The following CYP11A1 variants were observed in gnomAD, a reference collection of about 807,000 sequenced individuals.
The protein encoded by CYP11A1 is cholesterol side-chain cleavage enzyme, mitochondrial.
In CYP11A1, 25 loss-of-function variants were observed where a neutral mutation model predicts 51.9. That is an observed-to-expected ratio of 0.48 (90% CI 0.35 to 0.67). The LOEUF (loss-of-function observed/expected upper bound fraction) is 0.67, where lower values mean the gene tolerates loss of function less well. CYP11A1 is among the 30% of genes least tolerant of loss of function. The pLI is 0.00. For synonymous variants in CYP11A1, 245 were observed against 262.1 expected, an observed-to-expected ratio of 0.93 and a Z score of 0.63; for missense variants, 578 against 680.9, an observed-to-expected ratio of 0.85 and a Z score of 1.68.
rs2060590787 is a variant in CYP11A1 at position 74,338,660 on chromosome 15, A to T, written c.1345T>A (p.Tyr449Asn). The T allele has an allele frequency of 6.2e-7, 1 of 1,614,084 alleles. No homozygotes were observed. Among genetic ancestry groups the T allele is most frequent in the Non-Finnish European group, 8.5e-7 (1 of 1,180,030 alleles). ...RWLSKDKNIT[Y>N]FRNLGFGWGV... ...CAGCCAAAGCCCAAGTTCCGGAAGT[A>T]GGTGATGTTCTTGTCTTTGCTCAGC... is the stretch of plus-strand genomic sequence containing the variant. Residue 449 changes from tyrosine (Y) to asparagine (N), a missense_variant, in exon 8 of 9, where the codon TAC becomes AAC. Transcript: ENST00000268053.
intron 1 of CYP11A1, among the ~76,000 whole-genome samples, chr15:74,352,855 A>G (rs999410269): frequency 1.3e-5 from 2 of 152,220 alleles, no homozygotes; most frequent in Non-Finnish European, 2.9e-5. Flanking sequence ...GAGTACAGCA[A>G]ATGGGATAAA....
At chr15:74,360,825 C>T (rs956616373) in intron 1 of CYP11A1, among the ~76,000 whole-genome samples, 2 of 152,120 alleles carry the variant, frequency 1.3e-5, no homozygotes, top group African/African-American at 2.4e-5. Context: ...ATCATTTGAA[C>T]TCAGGAGGCA....
intron 5 of CYP11A1, among the ~76,000 whole-genome samples, chr15:74,341,270 T>C (rs1002826678): frequency 3.3e-5 from 5 of 152,218 alleles, no homozygotes; most frequent in African/African-American, 1.2e-4. Flanking sequence ...AGTAATCGTT[T>C]CTTTGGTGCC....
chr15:74,366,089 G>A (rs2060731657), intron 1 of CYP11A1: 2 of 985,404 alleles, frequency 2.0e-6, no homozygotes, highest in Non-Finnish European at 2.4e-6. Context: ...AGGGGAGGCG[G>A]AGGTGAGCGA....
chr15:74,367,200 G>T, intron 1 of CYP11A1, 117 bp downstream of exon 1: 267 of 908,494 alleles, frequency 2.9e-4, no homozygotes, highest in Non-Finnish European at 4.2e-4. Context: ...AAAAAAAGAA[G>T]TTAGACAGGA....
intron 1 of CYP11A1, among the ~76,000 whole-genome samples, chr15:74,360,408 G>C (rs2060702599): frequency 1.3e-5 from 2 of 151,886 alleles, no homozygotes; most frequent in Admixed American, 1.3e-4. Flanking sequence ...AGCCTCCTGA[G>C]TAGCTGGAAT....
intron 3 of CYP11A1, among the ~76,000 whole-genome samples, chr15:74,344,556 G>A (rs145911213): frequency 3.3e-4 from 51 of 152,290 alleles, no homozygotes; most frequent in African/African-American, 1.2e-3. Context: ...TCAAGCCACA[G>A]GGCCTTTGTA....
intron 1 of CYP11A1, chr15:74,361,556 T>G (rs1324262734): frequency 1.3e-6 from 1 of 786,958 alleles, no homozygotes; most frequent in African/African-American, 1.7e-5. Context: ...TCAGCCATGG[T>G]CAACCCCACC....
chr15:74,340,920 C>T (rs2060603973), intron 5 of CYP11A1, among the ~76,000 whole-genome samples: 1 of 152,196 alleles, frequency 6.6e-6, no homozygotes, highest in East Asian at 1.9e-4. Context: ...GAAGTCTTCC[C>T]CACGCTAGGT....
Position 74,348,306 on chromosome 15 carries a change from G to C in CYP11A1, c.270-251C>G, listed in dbSNP as rs6495096. ...CCTTTGTTAAACATTCTACAAGTGA[G>C]AGCTTTATGATCACTGTTGCTGCTG... On this transcript the variant is annotated intron_variant, in intron 1 of 8. Coordinates refer to ENST00000268053, the MANE Select transcript of CYP11A1 (RefSeq NM_000781.3). 349,162 of 521,136 alleles carry C rather than the reference G, an allele frequency of 0.67. 118,443 individuals carry two copies. The highest frequency in any genetic ancestry group is 0.71 in the Non-Finnish European group (205,141 of 288,098). The allele number at this position is 521,136 out of a possible 1,614,324, so 32.3% of individuals were successfully genotyped here. A position where few individuals can be genotyped will look rare whatever the true frequency, so the allele number is the denominator to read the frequency against.
At chr15:74,364,853 G>A (rs1024202652) in intron 1 of CYP11A1, among the ~76,000 whole-genome samples, 6 of 152,138 alleles carry the variant, frequency 3.9e-5, no homozygotes, top group Non-Finnish European at 8.8e-5. Context: ...ACCCAGCGGG[G>A]CGCAACCTCC....
At chr15:74,365,587 G>T (rs972271943) in intron 1 of CYP11A1, 4 of 748,008 alleles carry the variant, frequency 5.3e-6, no homozygotes, top group Non-Finnish European at 6.5e-6. Flanking sequence ...TTCAAAGGGA[G>T]TGGGATCTGG....
chr15:74,354,547 C>G (rs1451825733), intron 1 of CYP11A1: 3 of 153,578 alleles, frequency 2.0e-5, no homozygotes, highest in African/African-American at 7.2e-5. Context: ...AAATTTGGTG[C>G]CATGACTCGG....
intron 1 of CYP11A1, among the ~76,000 whole-genome samples, chr15:74,360,437 C>T (rs969400193): frequency 6.6e-6 from 1 of 151,998 alleles, no homozygotes; most frequent in Non-Finnish European, 1.5e-5. Flanking sequence ...CCCGCCACCA[C>T]ACCTGGCTAA....
chr15:74,365,932 G>A, intron 1 of CYP11A1: 1 of 980,674 alleles, frequency 1.0e-6, no homozygotes, highest in African/African-American at 1.7e-5. Context: ...AGCGCACGGA[G>A]TCCGTGTTGG....
intron 4 of CYP11A1, 86 bp downstream of exon 4, chr15:74,343,703 C>T: frequency 8.1e-7 from 1 of 1,228,610 alleles, no homozygotes; most frequent in Non-Finnish European, 1.2e-6. Flanking sequence ...CAGGTCAAGT[C>T]AGCGCCCATT....
intron 4 of CYP11A1, 36 bp downstream of exon 4, chr15:74,343,753 C>A (rs1443140600): frequency 1.9e-6 from 3 of 1,581,986 alleles, no homozygotes; most frequent in Non-Finnish European, 2.6e-6. Context: ...AGGCCTGGGG[C>A]TCCGAGGAGG....
rs370465035 is a variant in CYP11A1, at chr15:74,367,513, C to T, written c.73G>A (p.Glu25Lys). 4.3e-6 allele frequency: 7 copies of T among 1,614,018 alleles called. No homozygotes were observed. The African/African-American group carries it at 8.0e-5, about 18-fold the overall frequency. Residue 25 changes from glutamate to lysine, a missense_variant, in exon 1 of 9, where the codon GAG (glutamate) becomes AAG (lysine). Physicochemically the swap from Glu to Lys is moderately conservative, Grantham distance 56. Coordinates refer to ENST00000268053, the MANE Select transcript of CYP11A1 (RefSeq NM_000781.3). ...GGCACCCTGAGACGCCCCAGCCCCT[C>T]CCTGGGGGCACTCAGAAAGGTCTGG... ...GCQTFLSAPR[E>K]GLGRLRVPTG...
intron 3 of CYP11A1, among the ~76,000 whole-genome samples, chr15:74,344,464 C>T (rs2060622731): frequency 6.6e-6 from 1 of 152,234 alleles, no homozygotes; most frequent in South Asian, 2.1e-4. Flanking sequence ...TTTTCCCCAC[C>T]TACCAGGTGA....
Sources: gnomAD v4.1 joint callset for allele counts (sites outside exome capture counted in the v4.1 genomes callset) on GRCh38, gnomAD v4.1.1 for gene constraint, MANE v1.5 for transcripts, NCBI Gene and HGNC (gene_info 2026-07-23, HGNC 2026-07-21) for gene names.